Variants in HTT observed in about 807,000 individuals in gnomAD.
The protein encoded by HTT is huntingtin.
In HTT, 104 loss-of-function variants were observed where a neutral mutation model predicts 362.3. The observed-to-expected ratio is 0.29, with a 90% CI of 0.24 to 0.34. HTT has a LOEUF of 0.34. HTT is among the 10% of genes least tolerant of loss of function. The pLI is 1.00. For synonymous variants in HTT, 1,577 were observed against 1,548.7 expected (o/e 1.02, Z -0.43); for missense variants, 3,301 against 3,928.6 (o/e 0.84, Z 4.27).
At chr4:3,232,272 C>T (rs73074838) in intron 60 of HTT, among the ~76,000 whole-genome samples, 3,623 of 152,274 alleles carry the variant, frequency 0.024, 88 homozygotes, top group African/African-American at 0.065. Context: ...TGTCGTCCGG[C>T]CATTTCCCCT....
chr4:3,208,949 G>T (rs1219208073), intron 46 of HTT, 38 bp downstream of exon 46: 1 of 1,581,228 alleles, frequency 6.3e-7, no homozygotes, highest in Non-Finnish European at 8.6e-7. Flanking sequence ...GGCACAGGGC[G>T]CTGAGTGCCT....
chr4:3,189,113 CT>C lies in HTT; in HGVS notation c.5368+22del, dbSNP rs1560586192. The C allele has an allele frequency of 6.2e-7, 1 of 1,612,264 alleles. No homozygotes were observed. Among genetic ancestry groups the C allele is most frequent in the Admixed American group, 1.7e-5 (1 of 59,962 alleles). On this transcript the variant is annotated intron_variant, in intron 40 of 66. Transcript: ENST00000355072. ...AGTCTGGTAGGTGAATCACATTAGTCTTCCTGGAGTGTCTCGTTCCCCATTC... is the reference window on the plus strand; with the variant it reads ...AGTCTGGTAGGTGAATCACATTAGTCTCCTGGAGTGTCTCGTTCCCCATTC...
chr4:3,145,942 A>G (rs1301675576), intron 24 of HTT, among the ~76,000 whole-genome samples: 1 of 152,234 alleles, frequency 6.6e-6, no homozygotes, highest in Non-Finnish European at 1.5e-5. Context: ...ACTAGACTTC[A>G]CTTCTGGGCA....
chr4:3,123,421 G>A (rs1053429924), intron 10 of HTT: 2 of 152,766 alleles, frequency 1.3e-5, no homozygotes, highest in Non-Finnish European at 2.9e-5. Flanking sequence ...TATTTTGTGA[G>A]TTACCTTCTC....
chr4:3,195,779 G>A (rs916482317), intron 40 of HTT, among the ~76,000 whole-genome samples: 3 of 152,176 alleles, frequency 2.0e-5, no homozygotes, highest in African/African-American at 7.2e-5. Flanking sequence ...GGGAATTCGG[G>A]GACCCAGGCT....
At chr4:3,192,685 C>G (rs1025832380) in intron 40 of HTT, among the ~76,000 whole-genome samples, 2 of 152,122 alleles carry the variant, frequency 1.3e-5, no homozygotes, top group Admixed American at 6.5e-5. Flanking sequence ...GAGGTAACTA[C>G]CAGAACTGAA....
At chr4:3,208,735 C>T (rs7654806) in intron 45 of HTT, 38 bp from the exon 46 acceptor site, 9 of 1,181,032 alleles carry the variant, frequency 7.6e-6, no homozygotes, top group Non-Finnish European at 9.2e-6. Context: ...AAAAAAAAAA[C>T]AAATTATACT....
chr4:3,199,860 G>T lies in HTT; in HGVS notation c.5497G>T (p.Val1833Leu), dbSNP rs1287608158. 6.2e-6 allele frequency: 10 copies of T among 1,614,146 alleles called. No individual in the cohort carries two copies. Among genetic ancestry groups the T allele is most frequent in the Non-Finnish European group, 8.5e-6 (10 of 1,180,036 alleles). ...RSMITTHPAL[V>L]LLWCQILLLV... is the part of the protein sequence containing the mutation. ...CATGATCACCACCCACCCGGCCCTG[G>T]TGCTGCTCTGGTGTCAGATACTGCT... Residue 1833 changes from valine (V) to leucine (L), a missense_variant, in exon 41 of 67, where the codon GTG (valine) becomes TTG (leucine). Coordinates refer to ENST00000355072, the MANE Select transcript of HTT (RefSeq NM_001388492.1).
chr4:3,224,069 T>C lies in HTT; in HGVS notation c.7703T>C (p.Ile2568Thr), dbSNP rs1252041588. The C allele has an allele frequency of 1.2e-6, 2 of 1,613,966 alleles. No individual in the cohort carries two copies. The highest frequency in any genetic ancestry group is 1.3e-5 in the African/African-American group (1 of 75,032). ...GCAATGGTTTCAAAGAGAGAGAATA[T>C]TGCCACCCATCATTTATATCAGGCA... ...IQAMVSKREN[I>T]ATHHLYQAWD... The change falls in exon 56 of 67, where the codon ATT becomes ACT. Residue 2568 changes from isoleucine (I) to threonine (T), a missense_variant. Ile to Thr is a moderately conservative substitution (Grantham distance 89). Transcript: ENST00000355072.
At chr4:3,219,609 G>A (rs192205279) in intron 52 of HTT, among the ~76,000 whole-genome samples, 1 of 152,176 alleles carries the variant, frequency 6.6e-6, no homozygotes, top group Non-Finnish European at 1.5e-5. Context: ...CTGGGGTTCC[G>A]TTGGGTCCTT....
At chr4:3,235,426 GCA>G (rs753795990) in intron 62 of HTT, 28 bp downstream of exon 62, 13 of 1,529,692 alleles carry the variant, frequency 8.5e-6, no homozygotes, top group Non-Finnish European at 1.2e-5. Context: ...GTCTTCCTCT[GCA>G]CACGGGGAGT....
At chr4:3,172,170 A>T (rs1718012786) in intron 29 of HTT, 150 bp from the exon 30 acceptor site, 1 of 643,262 alleles carries the variant, frequency 1.6e-6, no homozygotes. Flanking sequence ...CTGACTGTTC[A>T]AAATAAGAAA....
At chr4:3,112,900 T>C (rs1444475670) in intron 6 of HTT, 1 of 250,528 alleles carries the variant, frequency 4.0e-6, no homozygotes, top group Non-Finnish European at 6.3e-6. Flanking sequence ...TGGTCCTCGC[T>C]AGCACTTGGA....
Position 3,188,171 on chromosome 4 carries a change from A to G in HTT, c.5225+285A>G, listed in dbSNP as rs545946053. ...GCAGTGGGGTGGCTGTCCTGGGGGC[A>G]GGCAGTAGGGGCACGCTGACGTCAG... On this transcript the variant is annotated intron_variant, in intron 39 of 66. Transcript: ENST00000355072. The G allele has an allele frequency of 7.3e-5, 21 of 287,486 alleles. No individual in the cohort carries two copies. In the Admixed American group the frequency reaches 9.9e-4, roughly 14 times the overall value. The allele number at this position is 287,486 out of a possible 1,614,324, so 17.8% of individuals were successfully genotyped here. A position where few individuals can be genotyped will look rare whatever the true frequency, so the allele number is the denominator to read the frequency against.
chr4:3,107,860 T>A (rs538975171), intron 6 of HTT, among the ~76,000 whole-genome samples: 39 of 152,330 alleles, frequency 2.6e-4, no homozygotes, highest in African/African-American at 8.9e-4. Context: ...AAACCCACTT[T>A]AGTGTTTTGT....
At chr4:3,229,216 ACAC>A (rs1015105336) in intron 59 of HTT, among the ~76,000 whole-genome samples, 7 of 145,016 alleles carry the variant, frequency 4.8e-5, no homozygotes, top group Non-Finnish European at 9.1e-5. Flanking sequence ...CATACACACA[ACAC>A]ACACAGCACA....
intron 26 of HTT, 34 bp downstream of exon 26, chr4:3,148,241 C>A: frequency 6.9e-7 from 1 of 1,450,966 alleles, no homozygotes; most frequent in Non-Finnish European, 9.3e-7. Context: ...ATTCATACAG[C>A]CTTAATGACT....
Position 3,110,345 on chromosome 4 carries a change from G to A in HTT, c.747+2922G>A, listed in dbSNP as rs753841471. ...TTAGTACAATTTTTCATGACAGGTA[G>A]TTTACTGAATCAGTTTTTCCCCAGT... On this transcript the variant is annotated intron_variant, in intron 6 of 66. Transcript: ENST00000355072. Among the ~76,000 whole-genome samples the A allele has an allele frequency of 7.9e-4, 120 of 152,136 alleles. 1 individual carries two copies. The highest frequency in any genetic ancestry group is 2.0e-4 in the Admixed American group (3 of 15,276).
intron 18 of HTT, among the ~76,000 whole-genome samples, chr4:3,133,175 A>G (rs1298163903): frequency 1.3e-5 from 2 of 152,138 alleles, no homozygotes; most frequent in African/African-American, 2.4e-5. Flanking sequence ...GAAATAACCT[A>G]TCATTAAGTG....
Sources: gnomAD v4.1 joint callset for allele counts (sites outside exome capture counted in the v4.1 genomes callset) on GRCh38, gnomAD v4.1.1 for gene constraint, MANE v1.5 for transcripts, NCBI Gene and HGNC (gene_info 2026-07-23, HGNC 2026-07-21) for gene names.